Variants in NOL4 observed in about 807,000 individuals in gnomAD.
The protein encoded by NOL4 is cancer/testis antigen 125.
A neutral mutation model predicts 75.9 loss-of-function variants in NOL4; 17 were observed. That is an observed-to-expected ratio of 0.22 (90% CI 0.15 to 0.34). The LOEUF (loss-of-function observed/expected upper bound fraction) is 0.34. Ranked by LOEUF, NOL4 falls within the 10% of genes least tolerant of loss-of-function variation. The pLI is 1.00. For missense variants in NOL4, 614 were observed against 793.5 expected, an observed-to-expected ratio of 0.77 and a Z score of 2.72; for synonymous variants, 292 against 289.9, an observed-to-expected ratio of 1.01 and a Z score of -0.07.
At chr18:33,964,151 C>T (rs571490538) in intron 6 of NOL4, among the ~76,000 whole-genome samples, 3 of 152,188 alleles carry the variant, frequency 2.0e-5, no homozygotes, top group Admixed American at 1.3e-4. Flanking sequence ...CACATAGGCA[C>T]CTTTCATCTT....
At position 33,889,147 on chromosome 18, in the gene NOL4, G is replaced by A. The variant is rs188330844; in HGVS notation, c.1543-5723C>T. On this transcript the variant is annotated intron_variant, in intron 9 of 10. Coordinates refer to ENST00000261592, the MANE Select transcript of NOL4 (RefSeq NM_003787.5). ...GCAAGACTAATAAAGAAGAAAAGAG[G>A]GAAGAATCAAATAGATGCAACAGAA... Among the ~76,000 whole-genome samples the A allele has an allele frequency of 4.7e-3, 710 of 151,424 alleles. 1 individual carries two copies. The highest frequency in any genetic ancestry group is 7.4e-3 in the Non-Finnish European group (503 of 67,698).
chr18:34,011,272 TAAG>T (rs2074357608), intron 6 of NOL4, among the ~76,000 whole-genome samples: 3 of 151,826 alleles, frequency 2.0e-5, no homozygotes, highest in African/African-American at 7.2e-5. Flanking sequence ...TAAATAGTAA[TAAG>T]AAGGCTACAG....
chr18:34,019,294 C>T (rs1573352), intron 6 of NOL4, 24 bp downstream of exon 6: 2 of 1,598,550 alleles, frequency 1.3e-6, no homozygotes, highest in Non-Finnish European at 1.7e-6. Flanking sequence ...CTCAAAAATT[C>T]TGGAAATTGT....
chr18:34,202,775 TAAATTGTTATTACCATTACATTTAA>T (rs2035826457), intron 1 of NOL4, among the ~76,000 whole-genome samples: 1 of 152,040 alleles, frequency 6.6e-6, no homozygotes, highest in Non-Finnish European at 1.5e-5. Context: ...GTTATTGGTA[TAAATTGTTATTACCATTACATTTAA>T]AAAATGGCTA....
intron 6 of NOL4, among the ~76,000 whole-genome samples, chr18:33,980,277 A>G (rs959696324): frequency 1.6e-4 from 25 of 152,190 alleles, no homozygotes; most frequent in Admixed American, 3.3e-4. Context: ...GTGATGGACA[A>G]GCCTGAAAAG....
At chr18:33,995,094 A>G (rs2073178604) in intron 6 of NOL4, among the ~76,000 whole-genome samples, 2 of 151,678 alleles carry the variant, frequency 1.3e-5, no homozygotes, top group South Asian at 2.1e-4. Flanking sequence ...TGGTAGACAT[A>G]TAAGTGTAGG....
intron 1 of NOL4, among the ~76,000 whole-genome samples, chr18:34,166,897 GC>G (rs2032419269): frequency 1.0e-5 from 1 of 97,114 alleles, no homozygotes; most frequent in African/African-American, 3.7e-5. Flanking sequence ...AATTAGCCGG[GC>G]GCGGTGGCAG....
chr18:34,107,769 C>G (rs2079377836), intron 2 of NOL4, among the ~76,000 whole-genome samples: 1 of 151,992 alleles, frequency 6.6e-6, no homozygotes, highest in South Asian at 2.1e-4. Flanking sequence ...CAGGAGTCAC[C>G]AAGATGGTGA....
At chr18:33,884,782 GA>G (rs1273711136) in intron 9 of NOL4, among the ~76,000 whole-genome samples, 2 of 152,112 alleles carry the variant, frequency 1.3e-5, no homozygotes, top group African/African-American at 2.4e-5. Flanking sequence ...CCAAAGGGGT[GA>G]AAACGAGGAA....
intron 5 of NOL4, among the ~76,000 whole-genome samples, chr18:34,074,568 C>T (rs912232372): frequency 6.6e-6 from 1 of 151,784 alleles, no homozygotes; most frequent in African/African-American, 2.4e-5. Context: ...AATCATGAAA[C>T]TAATGCAAGC....
intron 5 of NOL4, among the ~76,000 whole-genome samples, chr18:34,031,044 G>T (rs1467255708): frequency 6.6e-6 from 1 of 152,020 alleles, no homozygotes; most frequent in Non-Finnish European, 1.5e-5. Context: ...TCACAAGGGG[G>T]CTGAATGGAT....
Position 33,867,222 on chromosome 18 carries a change from A to G in NOL4, c.1724-14187T>C, listed in dbSNP as rs146487851. On this transcript the variant is annotated intron_variant, in intron 10 of 10. Transcript: ENST00000261592. ...GGGTTTTCCACTTGCTAATTTTACT[A>G]TCTTATAGCTGTGTGCTGCATAATT... 5.2e-3 allele frequency among the ~76,000 whole-genome samples: 785 copies of G among 152,282 alleles called. 6 individuals carry two copies. The highest frequency in any genetic ancestry group is 0.018 in the African/African-American group (744 of 41,582).
At chr18:33,920,778 T>C (rs8084148) in intron 9 of NOL4, among the ~76,000 whole-genome samples, 1,774 of 152,268 alleles carry the variant, frequency 0.012, 32 homozygotes, top group African/African-American at 0.04. Flanking sequence ...TTTTTGAAAA[T>C]TTTATACCAG....
chr18:33,945,642 T>C (rs2068783291), intron 8 of NOL4, among the ~76,000 whole-genome samples: 1 of 151,696 alleles, frequency 6.6e-6, no homozygotes, highest in African/African-American at 2.4e-5. Context: ...TATTTTAAGG[T>C]CATGTGATAA....
chr18:34,041,605 C>T (rs1183869805), intron 5 of NOL4, among the ~76,000 whole-genome samples: 1 of 151,958 alleles, frequency 6.6e-6, no homozygotes, highest in East Asian at 1.9e-4. Context: ...CATTCTTTAA[C>T]AAAGCCCTGG....
At chr18:33,915,609 T>C (rs1348722509) in intron 9 of NOL4, among the ~76,000 whole-genome samples, 3 of 152,038 alleles carry the variant, frequency 2.0e-5, no homozygotes, top group Non-Finnish European at 4.4e-5. Flanking sequence ...TCATCCTAAA[T>C]AAGAGTGGAG....
intron 1 of NOL4, among the ~76,000 whole-genome samples, chr18:34,134,640 A>T (rs1026043439): frequency 9.2e-5 from 14 of 151,588 alleles, no homozygotes; most frequent in Admixed American, 3.3e-4. Context: ...CTTAAAATTT[A>T]AAAAAAAACT....
In NOL4 at chr18:34,159,584, C is replaced by G. The variant is rs1377222991; in HGVS notation, c.265-29564G>C. Among the ~76,000 whole-genome samples the G allele has an allele frequency of 2.6e-5, 4 of 152,046 alleles. No individual in the cohort carries two copies. In the South Asian group the frequency reaches 6.2e-4, roughly 24 times the overall value. Reference sequence around the variant, plus strand: ...TGACCTTCCAAGAGCTTGAGAGTCCCCTAGAGAGCAGGCCCCACCCCAATC... The same window carrying G: ...TGACCTTCCAAGAGCTTGAGAGTCCGCTAGAGAGCAGGCCCCACCCCAATC... On this transcript the variant is annotated intron_variant, in intron 1 of 10. Coordinates refer to ENST00000261592, the MANE Select transcript of NOL4 (RefSeq NM_003787.5).
chr18:33,906,565 T>C (rs1299051029), intron 9 of NOL4, among the ~76,000 whole-genome samples: 3 of 152,216 alleles, frequency 2.0e-5, no homozygotes, highest in Non-Finnish European at 4.4e-5. Context: ...AAATGACCAA[T>C]ATATAGGAAG....
Sources: gnomAD v4.1 joint callset for allele counts (sites outside exome capture counted in the v4.1 genomes callset) on GRCh38, gnomAD v4.1.1 for gene constraint, MANE v1.5 for transcripts, NCBI Gene and HGNC (gene_info 2026-07-23, HGNC 2026-07-21) for gene names.